SEC22B: variants seen among roughly 807,000 people sequenced by gnomAD.
SEC22B encodes vesicle-trafficking protein SEC22b.
Under a neutral mutation model 31.4 loss-of-function variants are expected in SEC22B, and 10 were observed. The observed-to-expected ratio is 0.32, with a 90% confidence interval of 0.20 to 0.54. SEC22B has a LOEUF of 0.54. Among genes scored for constraint, SEC22B ranks in the 20% least tolerant of loss-of-function variants. SEC22B has a pLI of 0.94. For missense variants in SEC22B, 130 were observed against 263.4 expected, an observed-to-expected ratio of 0.49 and a Z score of 3.50; for synonymous variants, 60 against 95.9, an observed-to-expected ratio of 0.63 and a Z score of 2.19.
At chr1:120,167,834 T>A (rs1301503449) in intron 2 of SEC22B, among the ~76,000 whole-genome samples, 1 of 152,168 alleles carries the variant, frequency 6.6e-6, no homozygotes, top group Non-Finnish European at 1.5e-5. Context: ...AGAACTTTCC[T>A]AGGTCTTGGT....
intron 2 of SEC22B, among the ~76,000 whole-genome samples, chr1:120,167,629 A>G (rs1378073657): frequency 6.6e-6 from 1 of 151,972 alleles, no homozygotes; most frequent in African/African-American, 2.4e-5. Context: ...ATATTATAGT[A>G]TACTTGTTTG....
At chr1:120,164,790 G>A (rs1657780914) in intron 2 of SEC22B, among the ~76,000 whole-genome samples, 1 of 152,016 alleles carries the variant, frequency 6.6e-6, no homozygotes, top group Non-Finnish European at 1.5e-5. Flanking sequence ...TAATGGGTTT[G>A]CTGGGTCTAA....
chr1:120,170,157 A>T (rs1421056614), intron 1 of SEC22B, among the ~76,000 whole-genome samples: 9 of 139,174 alleles, frequency 6.5e-5, no homozygotes, highest in Non-Finnish European at 8.9e-5. Context: ...AAGCCACCCA[A>T]TTTATGGTAT....
intron 1 of SEC22B, among the ~76,000 whole-genome samples, chr1:120,171,691 A>C (rs1444188862): frequency 1.7e-5 from 2 of 117,568 alleles, no homozygotes; most frequent in Non-Finnish European, 3.2e-5. Context: ...TAGGTGAAAC[A>C]GTCTTACGGT....
At chr1:120,164,100 C>G (rs1238807715) in intron 2 of SEC22B, among the ~76,000 whole-genome samples, 259 of 150,232 alleles carry the variant, frequency 1.7e-3, no homozygotes, top group African/African-American at 6.2e-3. Flanking sequence ...GCTGGGATTA[C>G]AGACACCCAC....
chr1:120,160,929 T>C (rs1244257219), intron 3 of SEC22B, among the ~76,000 whole-genome samples: 3 of 152,038 alleles, frequency 2.0e-5, no homozygotes, highest in Non-Finnish European at 4.4e-5. Flanking sequence ...GTTCTGAGTT[T>C]ATTCCTGGAT....
chr1:120,156,623 AAAAC>A lies in SEC22B; in HGVS notation c.*411_*414del, dbSNP rs1183125266. 2.0e-5 allele frequency: 3 copies of A among 148,030 alleles called. No homozygotes were observed. The highest frequency in any genetic ancestry group is 7.5e-5 in the African/African-American group (3 of 40,166). The allele number at this position is 148,030 out of a possible 1,614,324, so 9.2% of individuals were successfully genotyped here. Reference sequence around the variant, plus strand: ...AGAGTCAAAAAAAAAAAAAAAAAAAAAAACACCTTCCCAAAGGACTGCCTTCTTT... The same window carrying A: ...AGAGTCAAAAAAAAAAAAAAAAAAAAACCTTCCCAAAGGACTGCCTTCTTT... On this transcript the variant is annotated 3_prime_UTR_variant, in exon 5 of 5. Transcript: ENST00000578049.
chr1:120,167,039 T>C (rs1241893586), intron 2 of SEC22B, among the ~76,000 whole-genome samples: 1 of 148,894 alleles, frequency 6.7e-6, no homozygotes, highest in Non-Finnish European at 1.5e-5. Context: ...TAGGGCTCCA[T>C]AAAGGATAAA....
chr1:120,172,165 T>G (rs1434692494), intron 1 of SEC22B, among the ~76,000 whole-genome samples: 1 of 95,848 alleles, frequency 1.0e-5, no homozygotes, highest in Non-Finnish European at 1.9e-5. Context: ...CGTTTGAACC[T>G]GGGGACCGGA....
rs1219871074 is a variant in SEC22B at position 120,152,993 on chromosome 1, A to G, written c.*4045T>C. ...CAAAAAATGAAGGAAATGAGAGAAA[A>G]AAGTATAGATTACTATATGGAAGTC... On this transcript the variant is annotated 3_prime_UTR_variant, in exon 5 of 5. Coordinates refer to ENST00000578049, the MANE Select transcript of SEC22B (RefSeq NM_004892.6). 1 of 149,578 alleles carries G rather than the reference A, an allele frequency of 6.7e-6. No individual in the cohort carries two copies. Among genetic ancestry groups the G allele is most frequent in the Non-Finnish European group, 1.5e-5 (1 of 67,910 alleles). 9.3% of individuals were successfully genotyped at this position (149,578 alleles called of 1,614,324 possible).
At chr1:120,174,223 T>A (rs1657926349) in intron 1 of SEC22B, among the ~76,000 whole-genome samples, 1 of 152,294 alleles carries the variant, frequency 6.6e-6, no homozygotes, top group African/African-American at 2.4e-5. Context: ...GAGATTTTAA[T>A]AGTACCTGTT....
chr1:120,176,086 T>A (rs1280578395), intron 1 of SEC22B, among the ~76,000 whole-genome samples: 2 of 152,196 alleles, frequency 1.3e-5, no homozygotes, highest in Non-Finnish European at 2.9e-5. Context: ...AGCGTTTTTC[T>A]AAAGAGAAAC....
At chr1:120,166,430 C>CACACA (rs1657810287) in intron 2 of SEC22B, among the ~76,000 whole-genome samples, 1 of 150,080 alleles carries the variant, frequency 6.7e-6, no homozygotes, top group Non-Finnish European at 1.5e-5. Context: ...CACACACACA[C>CACACA]CATGGAATAC....
rs1158608597 is a variant in SEC22B at position 120,151,893 on chromosome 1, G to A, written c.*5145C>T. ...TTAGAGGTGAAAGAAGAAAGCAGAG[G>A]AGTCTAATGCAATGCGTGACTTGTA... On this transcript the variant is annotated 3_prime_UTR_variant, in exon 5 of 5. Transcript: ENST00000578049. 2.0e-5 allele frequency: 3 copies of A among 151,886 alleles called. No individual in the cohort carries two copies. Among genetic ancestry groups the A allele is most frequent in the Non-Finnish European group, 4.4e-5 (3 of 67,988 alleles). The allele number at this position is 151,886 out of a possible 1,614,324, so 9.4% of individuals were successfully genotyped here.
chr1:120,168,667 C>G (rs1313443602), intron 2 of SEC22B, among the ~76,000 whole-genome samples, 173 bp downstream of exon 2: 7 of 149,868 alleles, frequency 4.7e-5, no homozygotes, highest in African/African-American at 7.5e-5. Context: ...TGTAAGCATG[C>G]TGAAAAAACC....
intron 1 of SEC22B, 29 bp downstream of exon 1, chr1:120,176,278 G>A: frequency 3.1e-6 from 5 of 1,600,272 alleles, no homozygotes; most frequent in South Asian, 1.1e-5. Context: ...CAGAGACTTG[G>A]GGTCGCGGGT....
At chr1:120,167,706 A>T (rs1657833940) in intron 2 of SEC22B, among the ~76,000 whole-genome samples, 1 of 152,102 alleles carries the variant, frequency 6.6e-6, no homozygotes, top group South Asian at 2.1e-4. Flanking sequence ...GCAGGACTCA[A>T]TATAAGGTCT....
rs1435154113 is a variant in SEC22B at position 120,153,147 on chromosome 1, TAAG to T, written c.*3888_*3890del. 1 of 151,868 alleles carries T rather than the reference TAAG, an allele frequency of 6.6e-6. No homozygotes were observed. The highest frequency in any genetic ancestry group is 2.4e-5 in the African/African-American group (1 of 41,220). The allele number at this position is 151,868 out of a possible 1,614,324, so 9.4% of individuals were successfully genotyped here. A position where few individuals can be genotyped will look rare whatever the true frequency, so the allele number is the denominator to read the frequency against. On this transcript the variant is annotated 3_prime_UTR_variant, in exon 5 of 5. Transcript: ENST00000578049. ...CTAGGTCAACGCTGCCTGACAGTAA[TAAG>T]AATAGGATGTGAGATTCAATATGCT...
intron 1 of SEC22B, among the ~76,000 whole-genome samples, chr1:120,169,440 C>T (rs1343307564): frequency 6.6e-6 from 1 of 152,216 alleles, no homozygotes; most frequent in African/African-American, 2.4e-5. Flanking sequence ...TTATTACGAA[C>T]ACTTTGACTG....
Sources: allele counts gnomAD v4.1 joint callset (sites outside exome capture counted in the v4.1 genomes callset), GRCh38; gene constraint gnomAD v4.1.1; transcripts MANE v1.5; gene names NCBI Gene and HGNC (gene_info 2026-07-23, HGNC 2026-07-21).